Variants in PREX1 observed in about 807,000 individuals in gnomAD.
PREX1 encodes the protein phosphatidylinositol 3,4,5-trisphosphate-dependent Rac exchanger 1 protein.
PREX1 carries 41 observed loss-of-function variants against 198.3 expected under a neutral mutation model. The ratio of observed to expected loss-of-function variants is 0.21; its 90% CI spans 0.16 to 0.27. The LOEUF is 0.27. Among genes scored for constraint, PREX1 ranks in the 10% least tolerant of loss-of-function variants. The probability of loss-of-function intolerance (pLI) is 1.00; values close to 1 mark genes in which losing one functional copy is unlikely to be tolerated. For missense variants in PREX1, 1,620 were observed against 2,200.7 expected, an observed-to-expected ratio of 0.74 and a Z score of 5.28; for synonymous variants, 843 against 887.2, an observed-to-expected ratio of 0.95 and a Z score of 0.89.
At chr20:48,880,502 G>A in the PREX1 span, among the ~76,000 whole-genome samples, 3 of 152,134 alleles carry the variant, frequency 2.0e-5, no homozygotes, top group Admixed American at 2.0e-4. Flanking sequence ...CCATCCTAAA[G>A]TCCACCTCGT....
intron 9 of PREX1, 62 bp from the exon 10 acceptor site, chr20:48,688,866 G>A: frequency 1.9e-6 from 3 of 1,600,100 alleles, no homozygotes; most frequent in Non-Finnish European, 2.6e-6. Context: ...GGGGTAGGGG[G>A]AGACAAGGGG....
At position 48,625,429 on chromosome 20, in the gene PREX1, G is replaced by A. The variant is rs2089262904; in HGVS notation, c.*456C>T. The A allele has an allele frequency of 6.1e-6, 1 of 163,042 alleles. No homozygotes were observed. Among genetic ancestry groups the A allele is most frequent in the Non-Finnish European group, 1.3e-5 (1 of 74,846 alleles). The allele number at this position is 163,042 out of a possible 1,614,324, so 10.1% of individuals were successfully genotyped here. A position where few individuals can be genotyped will look rare whatever the true frequency, so the allele number is the denominator to read the frequency against. ...CCAAGCAGGTTAGTACAGGGTTAGGGTGAACCTGGAAGCTAAGATGAGGAG... is the reference window on the plus strand; with the variant it reads ...CCAAGCAGGTTAGTACAGGGTTAGGATGAACCTGGAAGCTAAGATGAGGAG... On this transcript the variant is annotated 3_prime_UTR_variant, in exon 40 of 40. Transcript: ENST00000371941.
upstream of PREX1, among the ~76,000 whole-genome samples, chr20:48,828,614 C>T (rs1457486276): frequency 6.6e-6 from 1 of 152,186 alleles, no homozygotes. Context: ...CTACCACGAC[C>T]TTGGGAAGGA....
chr20:48,632,381 G>A lies in PREX1; in HGVS notation c.4422C>T (p.Asn1474=), dbSNP rs41283546. 83 of 1,613,836 alleles carry A rather than the reference G, an allele frequency of 5.1e-5. No individual in the cohort carries two copies. The African/African-American group carries it at 5.7e-4, about 11-fold the overall frequency. ...HTALFTKVLE[N]VEGLPSPGSQ... ...TGCCTGGAGAAGGCAGCCCCTCCAC[G>A]TTCTCCAGCACTGGGAGGGGAGATG... is the stretch of plus-strand genomic sequence containing the variant. Residue 1474 remains asparagine, a synonymous_variant, in exon 35 of 40, where the codon AAC becomes AAT. Transcript: ENST00000371941.
At chr20:48,885,414 A>G in the PREX1 span, among the ~76,000 whole-genome samples, 1 of 152,330 alleles carries the variant, frequency 6.6e-6, no homozygotes, top group Admixed American at 6.5e-5. Context: ...AAATGCTGGC[A>G]AGGATGTGGA....
chr20:48,634,616 GCTGTCCCTTCCACCC>G, intron 33 of PREX1, 45 bp downstream of exon 33: 2 of 1,546,292 alleles, frequency 1.3e-6, no homozygotes, highest in East Asian at 4.5e-5. Flanking sequence ...ACCCCAGAGA[GCTGTCCCTTCCACCC>G]CAGGACCCCA....
chr20:48,748,467 A>G (rs1429500837), intron 1 of PREX1, among the ~76,000 whole-genome samples: 1 of 151,272 alleles, frequency 6.6e-6, no homozygotes, highest in Non-Finnish European at 1.5e-5. Context: ...ACACACATAC[A>G]CATCTATTCC....
intron 5 of PREX1, among the ~76,000 whole-genome samples, chr20:48,725,277 C>T (rs1405098781): frequency 6.6e-6 from 1 of 152,244 alleles, no homozygotes; most frequent in Non-Finnish European, 1.5e-5. Context: ...AACACAGCTG[C>T]CTTCAGGACA....
chr20:48,780,274 A>ATTT (rs2090282582), intron 1 of PREX1, among the ~76,000 whole-genome samples: 2 of 152,126 alleles, frequency 1.3e-5, no homozygotes, highest in South Asian at 2.1e-4. Flanking sequence ...GGCAGGGAAA[A>ATTT]TACAAGATGA....
chr20:48,785,194 G>A (rs1352840088), intron 1 of PREX1, among the ~76,000 whole-genome samples: 6 of 152,230 alleles, frequency 3.9e-5, no homozygotes, highest in African/African-American at 1.2e-4. Context: ...GATTACAGGC[G>A]TGAGCCACTG....
chr20:48,848,749 G>C, the PREX1 span, among the ~76,000 whole-genome samples: 2 of 152,026 alleles, frequency 1.3e-5, no homozygotes, highest in East Asian at 1.9e-4. Flanking sequence ...ACATTTTTAG[G>C]GGGGGTGGTT....
Position 48,660,149 on chromosome 20 carries a change from T to C in PREX1, c.1739-88A>G, listed in dbSNP as rs551195461. The C allele has an allele frequency of 9.2e-4, 1,412 of 1,532,072 alleles. 1 individual carries two copies. The highest frequency in any genetic ancestry group is 1.2e-3 in the Non-Finnish European group (1,322 of 1,116,036). 94.9% of individuals were successfully genotyped at this position (1,532,072 alleles called of 1,614,324 possible). Reference sequence around the variant, plus strand: ...CCAACTGGCAGGCACAGGCTGGAACTAGGCCATGGACACGTTTGGTTTGGC... The same window carrying C: ...CCAACTGGCAGGCACAGGCTGGAACCAGGCCATGGACACGTTTGGTTTGGC... On this transcript the variant is annotated intron_variant, in intron 15 of 39. Transcript: ENST00000371941.
At chr20:48,886,031 G>A in the PREX1 span, among the ~76,000 whole-genome samples, 62 of 152,306 alleles carry the variant, frequency 4.1e-4, no homozygotes, top group Middle Eastern at 3.4e-3. Flanking sequence ...GTGCAATCCC[G>A]AAACCTAATG....
chr20:48,673,855 C>G (rs6063304), intron 14 of PREX1, among the ~76,000 whole-genome samples: 33,240 of 152,162 alleles, frequency 0.22, 4,333 homozygotes, highest in South Asian at 0.38. Flanking sequence ...AGCAATTACT[C>G]TATGTCAGGC....
At chr20:48,760,727 C>T (rs1260623132) in intron 1 of PREX1, among the ~76,000 whole-genome samples, 1 of 152,106 alleles carries the variant, frequency 6.6e-6, no homozygotes, top group East Asian at 1.9e-4. Flanking sequence ...CCAACCATCC[C>T]AGCAAGTGTT....
chr20:48,742,916 G>A (rs537711533), intron 3 of PREX1, among the ~76,000 whole-genome samples: 1 of 152,286 alleles, frequency 6.6e-6, no homozygotes, highest in East Asian at 1.9e-4. Flanking sequence ...CAGGGCTTTT[G>A]GCAAACTGGA....
chr20:48,885,283 T>C, the PREX1 span, among the ~76,000 whole-genome samples: 1 of 152,188 alleles, frequency 6.6e-6, no homozygotes, highest in African/African-American at 2.4e-5. Context: ...GTGTGTGGCA[T>C]ATTGCAGGCG....
Position 48,636,649 on chromosome 20 carries a change from G to T in PREX1, c.3981C>A (p.Phe1327Leu). Reference protein sequence around the residue: ...TELQLRRDAIFCQALVAAVCT... With the variant: ...TELQLRRDAILCQALVAAVCT... Reference sequence around the variant, plus strand: ...ACACGGCGGCCACCAGGGCCTGGCAGAAGATCGCGTCTCTGCGCAGCTGCA... The same window carrying T: ...ACACGGCGGCCACCAGGGCCTGGCATAAGATCGCGTCTCTGCGCAGCTGCA... Residue 1327 changes from phenylalanine to leucine, a missense_variant, in exon 32 of 40, where the codon TTC (phenylalanine) becomes TTA (leucine). Around this residue, in one of 7 missense-constraint regions of PREX1, gnomAD observed 476 missense variants for 603.4 expected, o/e 0.79. Transcript: ENST00000371941. The T allele has an allele frequency of 6.2e-7, 1 of 1,610,588 alleles. No homozygotes were observed. The highest frequency in any genetic ancestry group is 1.1e-5 in the South Asian group (1 of 90,796).
intron 1 of PREX1, among the ~76,000 whole-genome samples, chr20:48,750,107 A>G (rs2090127682): frequency 1.3e-5 from 2 of 152,070 alleles, no homozygotes; most frequent in Non-Finnish European, 2.9e-5. Context: ...CAAGGGCTCT[A>G]GCCAAAACCC....
Sources: gnomAD v4.1 joint callset for allele counts (sites outside exome capture counted in the v4.1 genomes callset) on GRCh38, gnomAD v4.1.1 for gene constraint, gnomAD v4.1.1 regional missense constraint, MANE v1.5 for transcripts, NCBI Gene and HGNC (gene_info 2026-07-23, HGNC 2026-07-21) for gene names.